Variants in KCNMA1 observed in about 807,000 individuals in gnomAD.
KCNMA1 encodes the protein Calcium-activated potassium channel subunit alpha-1.
In KCNMA1, 29 loss-of-function variants were observed where a neutral mutation model predicts 140.0. The observed-to-expected ratio is 0.21, with a 90% CI of 0.15 to 0.28. The LOEUF (loss-of-function observed/expected upper bound fraction) is 0.28, where lower values mean the gene tolerates loss of function less well. Ranked by LOEUF, KCNMA1 falls within the 10% of genes least tolerant of loss-of-function variation. The pLI is 1.00. For missense variants in KCNMA1, 880 were observed against 1,602.2 expected, an observed-to-expected ratio of 0.55 and a Z score of 7.70; for synonymous variants, 612 against 611.9, an observed-to-expected ratio of 1.00 and a Z score of 0.00.
At chr10:77,558,927 C>T (rs3851040) in intron 1 of KCNMA1, among the ~76,000 whole-genome samples, 27,249 of 152,146 alleles carry the variant, frequency 0.18, 2,640 homozygotes, top group African/African-American at 0.25. Context: ...AAGTGGTCAC[C>T]GACTATACAC....
intron 5 of KCNMA1, among the ~76,000 whole-genome samples, chr10:77,171,092 G>A (rs1014705387): frequency 1.3e-5 from 2 of 152,148 alleles, no homozygotes; most frequent in Admixed American, 6.5e-5. Flanking sequence ...CAGCCTCACC[G>A]TGGGCTGGAC....
At chr10:77,568,323 C>T (rs1483660950) in intron 1 of KCNMA1, among the ~76,000 whole-genome samples, 1 of 152,098 alleles carries the variant, frequency 6.6e-6, no homozygotes, top group Non-Finnish European at 1.5e-5. Flanking sequence ...AACATTGATG[C>T]AAAAATCCTC....
At chr10:77,132,336 A>G (rs1447738664) in intron 5 of KCNMA1, among the ~76,000 whole-genome samples, 1 of 152,200 alleles carries the variant, frequency 6.6e-6, no homozygotes, top group Admixed American at 6.5e-5. Context: ...AAAGTGCAAA[A>G]GAAAAACTAA....
intron 1 of KCNMA1, among the ~76,000 whole-genome samples, chr10:77,417,930 G>A (rs987432418): frequency 3.9e-5 from 6 of 152,140 alleles, no homozygotes; most frequent in Non-Finnish European, 7.3e-5. Flanking sequence ...CTACCGCTCC[G>A]AGCACAGCCC....
At chr10:77,400,478 T>G (rs778351065) in intron 2 of KCNMA1, among the ~76,000 whole-genome samples, 1 of 152,168 alleles carries the variant, frequency 6.6e-6, no homozygotes, top group East Asian at 1.9e-4. Context: ...GATGGTAATG[T>G]CAAAATGTCA....
intron 1 of KCNMA1, among the ~76,000 whole-genome samples, chr10:77,592,768 T>TACAC (rs1433505621): frequency 6.6e-6 from 1 of 152,182 alleles, no homozygotes; most frequent in Non-Finnish European, 1.5e-5. Context: ...TGACCACGCT[T>TACAC]TGAACACTTA....
intron 2 of KCNMA1, among the ~76,000 whole-genome samples, chr10:77,387,607 C>CTTTCTTTTCT (rs796705269): frequency 2.7e-4 from 31 of 114,256 alleles, no homozygotes; most frequent in African/African-American, 9.5e-4. Flanking sequence ...CTTTTCTTTT[C>CTTTCTTTTCT]TTTCTTTTCT....
At chr10:76,985,811 G>A (rs2081107888) in intron 19 of KCNMA1, among the ~76,000 whole-genome samples, 1 of 152,230 alleles carries the variant, frequency 6.6e-6, no homozygotes, top group Admixed American at 6.5e-5. Flanking sequence ...TTATGCAACA[G>A]AGAAGGTTGG....
intron 2 of KCNMA1, among the ~76,000 whole-genome samples, chr10:77,386,981 G>A (rs1357738964): frequency 2.0e-5 from 3 of 152,174 alleles, no homozygotes; most frequent in African/African-American, 4.8e-5. Context: ...TTACAGTGCC[G>A]GGGGAGTGGG....
Position 77,004,058 on chromosome 10 carries a change from G to A in KCNMA1, c.2093-2478C>T, listed in dbSNP as rs78526726. Reference sequence around the variant, plus strand: ...TAATCGAAGCAGCAAAAAACCATGTGCTATAAGAAGATTAACTGTTAATTA... The same window carrying A: ...TAATCGAAGCAGCAAAAAACCATGTACTATAAGAAGATTAACTGTTAATTA... On this transcript the variant is annotated intron_variant, in intron 18 of 27. Coordinates refer to ENST00000286628, the MANE Select transcript of KCNMA1 (RefSeq NM_001161352.2). Among the ~76,000 whole-genome samples, 191 of 152,230 alleles carry A rather than the reference G, an allele frequency of 1.3e-3. 1 individual carries two copies. The East Asian group carries it at 0.015, about 12-fold the overall frequency.
chr10:77,551,047 C>A (rs2062723458), intron 1 of KCNMA1, among the ~76,000 whole-genome samples: 1 of 152,074 alleles, frequency 6.6e-6, no homozygotes. Flanking sequence ...GCCCAGGTTG[C>A]TCTCAAACTC....
At chr10:77,042,814 T>A (rs193253298) in intron 14 of KCNMA1, among the ~76,000 whole-genome samples, 38 of 152,326 alleles carry the variant, frequency 2.5e-4, no homozygotes, top group Admixed American at 2.1e-3. Context: ...ATATTATTCA[T>A]GTTTGTTTTG....
At position 77,193,060 on chromosome 10, in the gene KCNMA1, T is replaced by A. The variant is rs920091610; in HGVS notation, c.603-8144A>T. Among the ~76,000 whole-genome samples, 12 of 152,034 alleles carry A rather than the reference T, an allele frequency of 7.9e-5. No homozygotes were observed. In the East Asian group the frequency reaches 1.2e-3, roughly 15 times the overall value. ...CTCCTTTTTTCCTAGTTTTTTTTTTTAGAGATGAGAGCTTTCCTTGCCTGG... is the reference window on the plus strand; with the variant it reads ...CTCCTTTTTTCCTAGTTTTTTTTTTAAGAGATGAGAGCTTTCCTTGCCTGG... On this transcript the variant is annotated intron_variant, in intron 3 of 27. Transcript: ENST00000286628.
chr10:77,004,213 C>CCACACACACA (rs35789536), intron 18 of KCNMA1, among the ~76,000 whole-genome samples: 3,954 of 144,416 alleles, frequency 0.027, 68 homozygotes, highest in Non-Finnish European at 0.033. Flanking sequence ...ACAAGTGCCA[C>CCACACACACA]CACACACACA....
intron 5 of KCNMA1, among the ~76,000 whole-genome samples, chr10:77,161,085 TTGTC>T (rs1296791404): frequency 2.0e-5 from 3 of 152,182 alleles, no homozygotes; most frequent in East Asian, 1.9e-4. Flanking sequence ...GATAGAAACA[TTGTC>T]TGTCGGCTCC....
At chr10:77,300,273 T>C (rs1432037191) in intron 2 of KCNMA1, among the ~76,000 whole-genome samples, 1 of 152,210 alleles carries the variant, frequency 6.6e-6, no homozygotes, top group Non-Finnish European at 1.5e-5. Context: ...CTACATTTTG[T>C]GGGCTACTTC....
At chr10:77,612,708 T>C (rs1212609990) in intron 1 of KCNMA1, among the ~76,000 whole-genome samples, 2 of 152,162 alleles carry the variant, frequency 1.3e-5, no homozygotes, top group Non-Finnish European at 2.9e-5. Context: ...ACTGGTCAAT[T>C]CCTTCTGGTC....
At chr10:77,414,342 C>T (rs969753486) in intron 1 of KCNMA1, among the ~76,000 whole-genome samples, 45 of 152,318 alleles carry the variant, frequency 3.0e-4, no homozygotes, top group South Asian at 2.1e-3. Context: ...TTCAAAGCTG[C>T]TCTCCCATTC....
chr10:77,477,459 C>T (rs769319699), intron 1 of KCNMA1, among the ~76,000 whole-genome samples: 21 of 152,186 alleles, frequency 1.4e-4, no homozygotes, highest in Non-Finnish European at 7.3e-5. Flanking sequence ...GAAAGACTGC[C>T]TCTATGTCTA....
Sources: gnomAD v4.1 joint callset for allele counts (sites outside exome capture counted in the v4.1 genomes callset) on GRCh38, gnomAD v4.1.1 for gene constraint, MANE v1.5 for transcripts, NCBI Gene and HGNC (gene_info 2026-07-23, HGNC 2026-07-21) for gene names.